Variants in ARHGAP15 observed in about 807,000 individuals in gnomAD.
The protein encoded by ARHGAP15 is Rho GTPase activating protein 15, also known as rho GTPase-activating protein 15.
ARHGAP15 carries 51 observed loss-of-function variants against 63.7 expected under a neutral mutation model. The observed-to-expected ratio is 0.80, with a 90% CI of 0.64 to 1.01. The LOEUF (loss-of-function observed/expected upper bound fraction) is 1.01, where lower values mean the gene tolerates loss of function less well. ARHGAP15 is among the 50% of genes least tolerant of loss of function. ARHGAP15 has a pLI of 0.00. For synonymous variants in ARHGAP15, 191 were observed against 193.8 expected, an observed-to-expected ratio of 0.99 and a Z score of 0.12; for missense variants, 560 against 564.6, an observed-to-expected ratio of 0.99 and a Z score of 0.08.
chr2:143,513,423 C>T (rs12467594), intron 9 of ARHGAP15, among the ~76,000 whole-genome samples: 70,545 of 151,832 alleles, frequency 0.46, 16,774 homozygotes, highest in East Asian at 0.78. Flanking sequence ...TCTTCCAGGT[C>T]TTATCTCCAC....
At chr2:143,672,061 A>AC (rs895663599) in intron 12 of ARHGAP15, among the ~76,000 whole-genome samples, 9 of 152,200 alleles carry the variant, frequency 5.9e-5, no homozygotes, top group African/African-American at 1.9e-4. Context: ...AATTTTAGAA[A>AC]CATATCAGTA....
intron 6 of ARHGAP15, among the ~76,000 whole-genome samples, chr2:143,271,510 C>G (rs971509948): frequency 6.6e-6 from 1 of 152,268 alleles, no homozygotes. Flanking sequence ...GAGTCTCGCT[C>G]TGTCGCCCAG....
chr2:143,405,576 G>A (rs1242466764), intron 6 of ARHGAP15, among the ~76,000 whole-genome samples: 1 of 151,788 alleles, frequency 6.6e-6, no homozygotes, highest in African/African-American at 2.4e-5. Context: ...TTCTCAGTAA[G>A]TTTTAGCTTA....
chr2:143,749,207 T>C (rs753817408), intron 13 of ARHGAP15, among the ~76,000 whole-genome samples: 1 of 152,192 alleles, frequency 6.6e-6, no homozygotes, highest in Non-Finnish European at 1.5e-5. Context: ...CTGCCTGCAG[T>C]GGCCTCCAAT....
intron 4 of ARHGAP15, among the ~76,000 whole-genome samples, chr2:143,224,556 T>A (rs1304835382): frequency 6.6e-6 from 1 of 152,170 alleles, no homozygotes; most frequent in East Asian, 1.9e-4. Context: ...AATAGTCTAT[T>A]TGCAAAGTTT....
intron 6 of ARHGAP15, among the ~76,000 whole-genome samples, chr2:143,262,355 TAAA>T (rs1680763048): frequency 6.6e-6 from 1 of 151,818 alleles, no homozygotes; most frequent in Admixed American, 6.6e-5. Flanking sequence ...GTTTAAAAAA[TAAA>T]AATAAAAAAG....
In ARHGAP15 at chr2:143,476,634, A is replaced by G. The variant is rs974778446; in HGVS notation, c.704-10739A>G. Among the ~76,000 whole-genome samples the G allele has an allele frequency of 3.2e-4, 48 of 152,224 alleles. 1 individual carries two copies. The highest frequency in any genetic ancestry group is 1.2e-3 in the African/African-American group (48 of 41,452). On this transcript the variant is annotated intron_variant, in intron 8 of 13. Transcript: ENST00000295095. ...AAAATAGTTTCTTTCAGGAGTAGAA[A>G]CCATGAGAGTCACAGGGTCATTAAA... is the stretch of plus-strand genomic sequence containing the variant.
chr2:143,638,578 C>T (rs899125063), intron 12 of ARHGAP15, among the ~76,000 whole-genome samples: 2 of 148,708 alleles, frequency 1.3e-5, no homozygotes, highest in African/African-American at 5.0e-5. Flanking sequence ...GTGCAGCGCA[C>T]CAGCATGGCA....
chr2:143,432,727 C>T (rs921193817), intron 6 of ARHGAP15, among the ~76,000 whole-genome samples: 1 of 151,998 alleles, frequency 6.6e-6, no homozygotes, highest in East Asian at 1.9e-4. Flanking sequence ...CAAATTTCCC[C>T]AGATGGATAC....
At chr2:143,220,381 T>G (rs937813078) in intron 4 of ARHGAP15, among the ~76,000 whole-genome samples, 6 of 152,182 alleles carry the variant, frequency 3.9e-5, no homozygotes, top group African/African-American at 1.2e-4. Context: ...GCTATTATTT[T>G]GTATTTTTAG....
intron 6 of ARHGAP15, among the ~76,000 whole-genome samples, chr2:143,366,189 C>G (rs1686284901): frequency 6.6e-6 from 1 of 152,026 alleles, no homozygotes; most frequent in African/African-American, 2.4e-5. Flanking sequence ...ATTTTGTATC[C>G]TCACAGCATT....
chr2:143,377,768 C>T (rs1402851166), intron 6 of ARHGAP15, among the ~76,000 whole-genome samples: 1 of 152,022 alleles, frequency 6.6e-6, no homozygotes, highest in Admixed American at 6.6e-5. Flanking sequence ...TGCATCAGAA[C>T]TTTTTTGTTC....
intron 6 of ARHGAP15, among the ~76,000 whole-genome samples, chr2:143,408,031 A>ATATATATATATATG (rs1558950738): frequency 8.3e-6 from 1 of 120,040 alleles, no homozygotes; most frequent in African/African-American, 3.2e-5. Context: ...ATATATATAT[A>ATATATATATATATG]TCCTTTTTCC....
chr2:143,725,570 TTTC>T (rs1685238448), intron 13 of ARHGAP15, among the ~76,000 whole-genome samples: 2 of 152,256 alleles, frequency 1.3e-5, no homozygotes, highest in South Asian at 4.1e-4. Context: ...CCCTTCCTTT[TTTC>T]TTATCACAAC....
At chr2:143,353,558 T>G (rs2105319799) in intron 6 of ARHGAP15, among the ~76,000 whole-genome samples, 1 of 152,288 alleles carries the variant, frequency 6.6e-6, no homozygotes, top group Admixed American at 6.5e-5. Context: ...AAATTTTTAC[T>G]CATTCAGTTA....
chr2:143,384,565 TA>T (rs11309282), intron 6 of ARHGAP15, among the ~76,000 whole-genome samples: 67,082 of 149,098 alleles, frequency 0.45, 14,981 homozygotes, highest in Non-Finnish European at 0.49. Context: ...GTTTTAGAGT[TA>T]AAAAAAAAAA....
chr2:143,759,592 T>C (rs762129399), intron 13 of ARHGAP15, among the ~76,000 whole-genome samples: 9 of 152,124 alleles, frequency 5.9e-5, no homozygotes, highest in African/African-American at 1.2e-4. Context: ...CCTAAGTCCC[T>C]CCGCAGCATT....
chr2:143,646,137 G>A (rs952078805), intron 12 of ARHGAP15, among the ~76,000 whole-genome samples: 1 of 152,068 alleles, frequency 6.6e-6, no homozygotes, highest in Non-Finnish European at 1.5e-5. Context: ...ACAGACATGT[G>A]ATGAGATATT....
At chr2:143,352,948 T>C (rs1685635974) in intron 6 of ARHGAP15, among the ~76,000 whole-genome samples, 1 of 152,204 alleles carries the variant, frequency 6.6e-6, no homozygotes, top group African/African-American at 2.4e-5. Flanking sequence ...ATCAAAACCA[T>C]TATTTATAAT....
Sources: allele counts gnomAD v4.1 joint callset (sites outside exome capture counted in the v4.1 genomes callset), GRCh38; gene constraint gnomAD v4.1.1; transcripts MANE v1.5; gene names NCBI Gene and HGNC (gene_info 2026-07-23, HGNC 2026-07-21).